Variants in UBE2N observed in about 807,000 individuals in gnomAD.
UBE2N encodes ubiquitin-conjugating enzyme E2 N.
For missense variants in UBE2N, 60 were observed against 192.1 expected, an observed-to-expected ratio of 0.31 and a Z score of 4.07; for synonymous variants, 70 against 69.2, an observed-to-expected ratio of 1.01 and a Z score of -0.06.
At chr12:93,436,815 C>T (rs1254005674) in intron 1 of UBE2N, among the ~76,000 whole-genome samples, 1 of 152,114 alleles carries the variant, frequency 6.6e-6, no homozygotes, top group Non-Finnish European at 1.5e-5. Flanking sequence ...GGCAGAAAAA[C>T]GAAACTAAAG....
At chr12:93,411,877 A>G (rs1878041304) in intron 1 of UBE2N, among the ~76,000 whole-genome samples, 4 of 152,116 alleles carry the variant, frequency 2.6e-5, no homozygotes, top group African/African-American at 9.7e-5. Context: ...TATTTTTAGT[A>G]GAGACGGTAT....
At position 93,429,399 on chromosome 12, in the gene UBE2N, G is replaced by T. The variant is rs530242453; in HGVS notation, c.30+12456C>A. On this transcript the variant is annotated intron_variant, in intron 1 of 3. Transcript: ENST00000318066. ...CGTTTAAAATTAGTCTGATTCAGTG[G>T]TACTTTAAATACAGTCATGCGCTGT... 5 of 383,908 alleles carry T rather than the reference G, an allele frequency of 1.3e-5. No homozygotes were observed. The East Asian group carries it at 2.3e-4, about 17-fold the overall frequency. 23.8% of individuals were successfully genotyped at this position (383,908 alleles called of 1,614,324 possible). A position where few individuals can be genotyped will look rare whatever the true frequency, so the allele number is the denominator to read the frequency against.
chr12:93,412,217 GTAT>G (rs1273416805), intron 1 of UBE2N, among the ~76,000 whole-genome samples: 1 of 151,898 alleles, frequency 6.6e-6, no homozygotes, highest in Non-Finnish European at 1.5e-5. Flanking sequence ...CTAAATAATT[GTAT>G]TATTATTATT....
Position 93,409,318 on chromosome 12 carries a change from T to C in UBE2N, c.*721A>G, listed in dbSNP as rs1317863191. 4 of 157,506 alleles carry C rather than the reference T, an allele frequency of 2.5e-5. No individual in the cohort carries two copies. Among genetic ancestry groups the C allele is most frequent in the African/African-American group, 9.7e-5 (4 of 41,362 alleles). 9.8% of individuals were successfully genotyped at this position (157,506 alleles called of 1,614,324 possible). A position where few individuals can be genotyped will look rare whatever the true frequency, so the allele number is the denominator to read the frequency against. ...AAATACGATTGTCAAATTGGGAAAA[T>C]GAAATAAACACAGTAAAATAAACTG... is the stretch of plus-strand genomic sequence containing the variant. On this transcript the variant is annotated 3_prime_UTR_variant, in exon 4 of 4. Coordinates refer to ENST00000318066, the MANE Select transcript of UBE2N (RefSeq NM_003348.4).
chr12:93,424,462 G>GTT (rs1212836189), intron 1 of UBE2N: 1 of 152,152 alleles, frequency 6.6e-6, no homozygotes, highest in Admixed American at 6.5e-5. Context: ...AATTGTACCA[G>GTT]TAACACAATT....
intron 1 of UBE2N, among the ~76,000 whole-genome samples, chr12:93,415,415 GT>G (rs1188166967): frequency 1.3e-5 from 2 of 152,158 alleles, no homozygotes; most frequent in Non-Finnish European, 2.9e-5. Flanking sequence ...TTTAAGACTA[GT>G]TTTTTGTTTT....
chr12:93,438,473 A>G (rs1879002956), intron 1 of UBE2N, among the ~76,000 whole-genome samples: 1 of 152,198 alleles, frequency 6.6e-6, no homozygotes, highest in African/African-American at 2.4e-5. Context: ...TTCAGGGTAC[A>G]GCAAAGCAAC....
chr12:93,434,068 G>A (rs1878848513), intron 1 of UBE2N, among the ~76,000 whole-genome samples: 1 of 152,154 alleles, frequency 6.6e-6, no homozygotes, highest in Non-Finnish European at 1.5e-5. Flanking sequence ...CGAGGTGGGT[G>A]GATCACGAGG....
chr12:93,429,379 A>C (rs1312785346), intron 1 of UBE2N: 1 of 400,768 alleles, frequency 2.5e-6, no homozygotes, highest in African/African-American at 2.1e-5. Context: ...ATTCTCGTTT[A>C]AAATTAGTCT....
At chr12:93,426,704 C>G (rs953700446) in intron 1 of UBE2N, among the ~76,000 whole-genome samples, 1 of 152,096 alleles carries the variant, frequency 6.6e-6, no homozygotes, top group African/African-American at 2.4e-5. Flanking sequence ...ACTAGTAAGT[C>G]AGATATAAAG....
At chr12:93,418,215 T>C (rs2121067743) in intron 1 of UBE2N, among the ~76,000 whole-genome samples, 1 of 152,054 alleles carries the variant, frequency 6.6e-6, no homozygotes, top group Non-Finnish European at 1.5e-5. Flanking sequence ...CTAAAAAAAT[T>C]AGCTGGGCAT....
rs143490620 is a variant in UBE2N at position 93,436,499 on chromosome 12, A to G, written c.30+5356T>C. 9.5e-4 allele frequency among the ~76,000 whole-genome samples: 145 copies of G among 152,370 alleles called. No homozygotes were observed. The Middle Eastern group carries it at 0.01, about 11-fold the overall frequency. On this transcript the variant is annotated intron_variant, in intron 1 of 3. Coordinates refer to ENST00000318066, the MANE Select transcript of UBE2N (RefSeq NM_003348.4). Reference sequence around the variant, plus strand: ...AACAGATTTGGTTTTGACCAAGGCCATAACTATAGATCTCACTTATCGGTT... The same window carrying G: ...AACAGATTTGGTTTTGACCAAGGCCGTAACTATAGATCTCACTTATCGGTT...
In UBE2N at chr12:93,432,229, A is replaced by G. The variant is rs566945264; in HGVS notation, c.30+9626T>C. Among the ~76,000 whole-genome samples the G allele has an allele frequency of 1.2e-4, 19 of 152,238 alleles. No individual in the cohort carries two copies. In the East Asian group the frequency reaches 2.7e-3, roughly 22 times the overall value. On this transcript the variant is annotated intron_variant, in intron 1 of 3. Transcript: ENST00000318066. ...CTGGGCCACAGAAATTTGTTTCATG[A>G]CTGTGTTTTCCATTACACAGGGATG...
At chr12:93,410,155 C>CA in intron 3 of UBE2N, 76 bp from the exon 4 acceptor site, 1 of 1,373,432 alleles carries the variant, frequency 7.3e-7, no homozygotes, top group South Asian at 1.2e-5. Flanking sequence ...AAATGGCAAA[C>CA]AACCACTATT....
In UBE2N at chr12:93,408,831, G is replaced by A. The variant is rs1244590851; in HGVS notation, c.*1208C>T. 1 of 152,478 alleles carries A rather than the reference G, an allele frequency of 6.6e-6. No homozygotes were observed. Among genetic ancestry groups the A allele is most frequent in the Non-Finnish European group, 1.5e-5 (1 of 68,036 alleles). 9.4% of individuals were successfully genotyped at this position (152,478 alleles called of 1,614,324 possible). ...GAGATCTGCTCATCAGGTTTATAAG[G>A]AAGACTCACAAATGCCTCAGCAAAT... On this transcript the variant is annotated 3_prime_UTR_variant, in exon 4 of 4. Coordinates refer to ENST00000318066, the MANE Select transcript of UBE2N (RefSeq NM_003348.4).
At chr12:93,433,972 C>T (rs1365631406) in intron 1 of UBE2N, among the ~76,000 whole-genome samples, 1 of 152,184 alleles carries the variant, frequency 6.6e-6, no homozygotes, top group Non-Finnish European at 1.5e-5. Context: ...AAATTCCTCA[C>T]CAGAGAAAGA....
At position 93,406,212 on chromosome 12, in the gene UBE2N, G is replaced by A. The variant is rs990330203; in HGVS notation, c.*3827C>T. 7.6e-6 allele frequency: 1 copy of A among 131,764 alleles called. No homozygotes were observed. Among genetic ancestry groups the A allele is most frequent in the Admixed American group, 9.0e-5 (1 of 11,084 alleles). The allele number at this position is 131,764 out of a possible 1,614,324, so 8.2% of individuals were successfully genotyped here. A position where few individuals can be genotyped will look rare whatever the true frequency, so the allele number is the denominator to read the frequency against. ...GAACGCGGGAGGCAGAACCTGCAGTGAGCCAAGATCATGCCACAGCACTCC... is the reference window on the plus strand; with the variant it reads ...GAACGCGGGAGGCAGAACCTGCAGTAAGCCAAGATCATGCCACAGCACTCC... On this transcript the variant is annotated 3_prime_UTR_variant, in exon 4 of 4. Coordinates refer to ENST00000318066, the MANE Select transcript of UBE2N (RefSeq NM_003348.4).
chr12:93,428,869 C>T (rs963356776), intron 1 of UBE2N, among the ~76,000 whole-genome samples: 4 of 152,348 alleles, frequency 2.6e-5, no homozygotes, highest in African/African-American at 9.6e-5. Context: ...CCAAGTACTT[C>T]TCTAAGCACA....
chr12:93,410,701 GA>G (rs761959859), intron 3 of UBE2N, 32 bp downstream of exon 3: 2 of 1,610,738 alleles, frequency 1.2e-6, no homozygotes, highest in Non-Finnish European at 1.7e-6. Context: ...TGTAAAAGTG[GA>G]AGTGGTGTGA....
Sources: gnomAD v4.1 joint callset for allele counts (sites outside exome capture counted in the v4.1 genomes callset) on GRCh38, gnomAD v4.1.1 for gene constraint, MANE v1.5 for transcripts, NCBI Gene and HGNC (gene_info 2026-07-23, HGNC 2026-07-21) for gene names.